Variants in CPAMD8 observed in about 807,000 individuals in gnomAD.
The protein encoded by CPAMD8 is C3 and PZP like alpha-2-macroglobulin domain containing 8, also known as C3 and PZP-like alpha-2-macroglobulin domain-containing protein 8.
Under a neutral mutation model 224.7 loss-of-function variants are expected in CPAMD8, and 146 were observed. The ratio of observed to expected loss-of-function variants is 0.65; its 90% CI spans 0.57 to 0.75. The LOEUF (loss-of-function observed/expected upper bound fraction) is 0.75. CPAMD8 is among the 30% of genes least tolerant of loss of function. CPAMD8 has a pLI of 0.00. For synonymous variants in CPAMD8, 966 were observed against 1,044.6 expected, an observed-to-expected ratio of 0.92 and a Z score of 1.45; for missense variants, 2,301 against 2,537.5, an observed-to-expected ratio of 0.91 and a Z score of 2.00.
chr19:16,997,883 G>A (rs969473089), intron 10 of CPAMD8, among the ~76,000 whole-genome samples: 2 of 151,772 alleles, frequency 1.3e-5, no homozygotes, highest in African/African-American at 4.8e-5. Context: ...ATCTCCCACA[G>A]CCCAGGCAAC....
intron 3 of CPAMD8, among the ~76,000 whole-genome samples, chr19:17,015,525 T>A (rs754641392): frequency 2.1e-4 from 32 of 152,156 alleles, no homozygotes; most frequent in Non-Finnish European, 4.6e-4. Context: ...ACCTCCTGTC[T>A]GCTCTGAACA....
In CPAMD8 at chr19:16,901,356, A is replaced by T; in HGVS notation, c.4686-59T>A. The T allele has an allele frequency of 3.4e-6, 4 of 1,172,446 alleles. No homozygotes were observed. The South Asian group carries it at 5.2e-5, about 15-fold the overall frequency. 72.6% of individuals were successfully genotyped at this position (1,172,446 alleles called of 1,614,324 possible). ...AGCTCAAGCCCAGAGGTGGAATTCAAGGTCCCCTCTCCCCCTGGAGCCCAC... is the reference window on the plus strand; with the variant it reads ...AGCTCAAGCCCAGAGGTGGAATTCATGGTCCCCTCTCCCCCTGGAGCCCAC... On this transcript the variant is annotated intron_variant, in intron 35 of 41. Transcript: ENST00000443236.
At chr19:17,019,297 ATT>A (rs2056892787) in intron 3 of CPAMD8, among the ~76,000 whole-genome samples, 1 of 151,566 alleles carries the variant, frequency 6.6e-6, no homozygotes, top group South Asian at 2.1e-4. Flanking sequence ...TAACTTTTGT[ATT>A]TTTAGTAGAG....
chr19:16,957,752 T>C, intron 19 of CPAMD8, 101 bp downstream of exon 19: 1 of 1,040,904 alleles, frequency 9.6e-7, no homozygotes, highest in East Asian at 2.4e-5. Context: ...TGCTCAGATG[T>C]TGGTATCAGG....
chr19:16,931,729 G>A (rs2053551396), intron 23 of CPAMD8, among the ~76,000 whole-genome samples: 1 of 152,154 alleles, frequency 6.6e-6, no homozygotes, highest in Non-Finnish European at 1.5e-5. Context: ...GGGACCTGAG[G>A]ACAGGTCCAT....
At position 16,896,191 on chromosome 19, in the gene CPAMD8, C is replaced by T; in HGVS notation, c.5411G>A (p.Gly1804Glu). The part of the protein sequence containing the change: ...EVEDSDPEPE[G>E]EAEDRVTAGP... ...CAGCTGTTACCTGTCCTCCGCCTCC[C>T]CTTCAGGCTCAGGGTCTGAGTCCTC... is the stretch of plus-strand genomic sequence containing the variant. The change falls in exon 41 of 42, where the codon GGG becomes GAG. Residue 1804 changes from glycine (G) to glutamate (E), a missense_variant. Around this residue, in one of 4 missense-constraint regions of CPAMD8, gnomAD observed 1,709 missense variants for 1,753.2 expected, o/e 0.97. Transcript: ENST00000443236. 1 of 1,613,816 alleles carries T rather than the reference C, an allele frequency of 6.2e-7. No homozygotes were observed. Among genetic ancestry groups the T allele is most frequent in the Non-Finnish European group, 8.5e-7 (1 of 1,179,978 alleles).
At chr19:16,987,152 CAAAAAAAA>C (rs1214757739) in intron 13 of CPAMD8, among the ~76,000 whole-genome samples, 24 of 22,986 alleles carry the variant, frequency 1.0e-3, no homozygotes, top group East Asian at 5.1e-3. Context: ...GAGACTCTGT[CAAAAAAAA>C]AAAAAAAAAA....
chr19:17,013,182 CA>C (rs1030238736), intron 3 of CPAMD8, among the ~76,000 whole-genome samples: 2 of 150,568 alleles, frequency 1.3e-5, no homozygotes, highest in Admixed American at 6.6e-5. Flanking sequence ...ACTCCATCTC[CA>C]AAAAAAATAA....
At chr19:16,973,978 C>A (rs2055160432) in intron 17 of CPAMD8, among the ~76,000 whole-genome samples, 1 of 151,594 alleles carries the variant, frequency 6.6e-6, no homozygotes, top group African/African-American at 2.4e-5. Context: ...TACAGGCATG[C>A]ACCACCACGC....
At chr19:16,901,906 A>G (rs2144728424) in intron 35 of CPAMD8, among the ~76,000 whole-genome samples, 1 of 152,164 alleles carries the variant, frequency 6.6e-6, no homozygotes, top group East Asian at 1.9e-4. Flanking sequence ...GGGAACTTGG[A>G]CACATTCGGG....
intron 30 of CPAMD8, among the ~76,000 whole-genome samples, chr19:16,905,295 A>G (rs927792444): frequency 6.9e-6 from 1 of 144,268 alleles, no homozygotes; most frequent in African/African-American, 2.6e-5. Context: ...ATTTAAAAAG[A>G]ATGGCAAGGC....
rs774772827 is a variant in CPAMD8 at position 16,901,235 on chromosome 19, CG to C, written c.4747del (p.Arg1583GlyfsTer18). On this transcript the variant is annotated frameshift_variant, in exon 36 of 42. Coordinates refer to ENST00000443236, the MANE Select transcript of CPAMD8 (RefSeq NM_015692.5). LOFTEE classifies it high-confidence loss of function. ...VLEVPLLSGF[R>X]ADIESLEQLL... ...CTGCTCCAGGCTCTCGATGTCTGCC[CG>C]GAAGCCTGACAGCAGGGGCACCTCC... 14 of 1,611,998 alleles carry C rather than the reference CG, an allele frequency of 8.7e-6. No homozygotes were observed. The highest frequency in any genetic ancestry group is 1.2e-5 in the Non-Finnish European group (14 of 1,179,360).
intron 32 of CPAMD8, 51 bp downstream of exon 32, chr19:16,904,175 G>GAGGGCCCCCCCCCACCCCCACCCCC: frequency 9.4e-7 from 1 of 1,060,418 alleles, no homozygotes; most frequent in Non-Finnish European, 1.4e-6. Flanking sequence ...GGACTGCAGG[G>GAGGGCCCCCCCCCACCCCCACCCCC]ACCCCACCCA....
chr19:16,946,687 C>T (rs764773902), intron 21 of CPAMD8, among the ~76,000 whole-genome samples: 3 of 131,022 alleles, frequency 2.3e-5, no homozygotes, highest in East Asian at 2.3e-4. Context: ...CATGTCTACA[C>T]GTGGGTGTGT....
chr19:16,904,695 A>G, intron 30 of CPAMD8, 143 bp from the exon 31 acceptor site: 1 of 669,052 alleles, frequency 1.5e-6, no homozygotes, highest in Admixed American at 2.2e-5. Context: ...GACAGCTGGA[A>G]CAGGAAGGGC....
In CPAMD8 at chr19:16,893,267, G is replaced by C. The variant is rs1490363842; in HGVS notation, c.5499C>G (p.Phe1833Leu). The C allele has an allele frequency of 1.3e-6, 2 of 1,567,018 alleles. No individual in the cohort carries two copies. The highest frequency in any genetic ancestry group is 2.7e-5 in the African/African-American group (2 of 73,730). Residue 1833 changes from phenylalanine (F) to leucine (L), a missense_variant, in exon 42 of 42, where the codon TTC becomes TTG. Phe to Leu is a conservative substitution (Grantham distance 22, BLOSUM62 0). Transcript: ENST00000443236. ...LESSTQSASP[F>L]HRWGQTPAPQ... ...GGGCCGGAGTCTGGCCCCATCTGTG[G>C]AACGGGCTGGCGCTCTGGGTGCTGC...
intron 41 of CPAMD8, chr19:16,895,925 A>G (rs113980757): frequency 0.029 from 15,566 of 528,468 alleles, 1,242 homozygotes; most frequent in African/African-American, 0.23. Context: ...ACACACACAC[A>G]CACGCGCGCG....
intron 23 of CPAMD8, among the ~76,000 whole-genome samples, chr19:16,936,396 T>G (rs2053684011): frequency 6.6e-6 from 1 of 152,104 alleles, no homozygotes; most frequent in African/African-American, 2.4e-5. Flanking sequence ...CCCACTTTTT[T>G]GTTTGTTTGT....
Position 16,919,921 on chromosome 19 carries a change from C to G in CPAMD8, c.3629+1984G>C, listed in dbSNP as rs144268267. Among the ~76,000 whole-genome samples, 535 of 152,262 alleles carry G rather than the reference C, an allele frequency of 3.5e-3. 4 individuals carry two copies. The highest frequency in any genetic ancestry group is 5.5e-3 in the Non-Finnish European group (376 of 68,008). ...TGCACTGAGTGTACCACATGCTTAT[C>G]CCATGGATCCAGGTTCTTAGAGGGA... On this transcript the variant is annotated intron_variant, in intron 27 of 41. Coordinates refer to ENST00000443236, the MANE Select transcript of CPAMD8 (RefSeq NM_015692.5).
Sources: allele counts gnomAD v4.1 joint callset (sites outside exome capture counted in the v4.1 genomes callset), GRCh38; gene constraint gnomAD v4.1.1; regional missense constraint gnomAD v4.1.1; transcripts MANE v1.5; gene names NCBI Gene and HGNC (gene_info 2026-07-23, HGNC 2026-07-21).